The following ROBO2 variants were observed in gnomAD, a reference collection of about 807,000 sequenced individuals.
ROBO2 encodes the protein roundabout guidance receptor 2.
In ROBO2, 53 loss-of-function variants were observed where a neutral mutation model predicts 160.8. That is an observed-to-expected ratio of 0.33 (90% CI 0.26 to 0.41). The LOEUF (loss-of-function observed/expected upper bound fraction) is 0.41. Among genes scored for constraint, ROBO2 ranks in the 10% least tolerant of loss-of-function variants. The pLI, the probability that ROBO2 is intolerant of heterozygous loss-of-function variation, is 1.00. For synonymous variants in ROBO2, 664 were observed against 611.7 expected, an observed-to-expected ratio of 1.09 and a Z score of -1.26; for missense variants, 1,577 against 1,722.4, an observed-to-expected ratio of 0.92 and a Z score of 1.49.
chr3:77,108,276 A>G (rs1363307859), intron 2 of ROBO2, among the ~76,000 whole-genome samples: 2 of 60,412 alleles, frequency 3.3e-5, no homozygotes, highest in Admixed American at 1.5e-4. Context: ...ACATATGCAT[A>G]TATATATATG....
chr3:77,089,439 T>C (rs1320128214), intron 1 of ROBO2, among the ~76,000 whole-genome samples: 1 of 152,210 alleles, frequency 6.6e-6, no homozygotes, highest in Non-Finnish European at 1.5e-5. Flanking sequence ...CAAGGCTGCC[T>C]GTTGAGTTTG....
chr3:76,079,081 A>T (rs778851445), intron 2 of ROBO2, among the ~76,000 whole-genome samples: 6 of 152,328 alleles, frequency 3.9e-5, no homozygotes, highest in Non-Finnish European at 7.3e-5. Context: ...GTTTTCACTC[A>T]TATGTGGGAG....
At chr3:76,388,432 C>T (rs575969208) in intron 2 of ROBO2, among the ~76,000 whole-genome samples, 138 of 152,052 alleles carry the variant, frequency 9.1e-4, no homozygotes, top group African/African-American at 3.3e-3. Context: ...CCGCCACGCC[C>T]GGCTAATTTT....
intron 2 of ROBO2, among the ~76,000 whole-genome samples, chr3:77,015,400 T>C (rs534990558): frequency 6.6e-6 from 1 of 152,310 alleles, no homozygotes; most frequent in Non-Finnish European, 1.5e-5. Flanking sequence ...TTTCCTTGCC[T>C]TTGATATTTT....
intron 2 of ROBO2, among the ~76,000 whole-genome samples, chr3:76,671,194 A>C (rs936567827): frequency 2.0e-5 from 3 of 152,006 alleles, no homozygotes; most frequent in African/African-American, 7.3e-5. Context: ...TACATATATT[A>C]CTCTATTACA....
chr3:76,251,585 A>C (rs991269508), intron 2 of ROBO2, among the ~76,000 whole-genome samples: 6 of 152,118 alleles, frequency 3.9e-5, no homozygotes, highest in South Asian at 2.1e-4. Context: ...TTCCAAAACA[A>C]AACTTATTTT....
At chr3:77,386,603 A>ATTTTTTTTTTTTTTTTTTTTTT (rs71104679) in intron 2 of ROBO2, among the ~76,000 whole-genome samples, 1,370 of 91,732 alleles carry the variant, frequency 0.015, 218 homozygotes, top group East Asian at 0.02. Context: ...CAGCCAGGTA[A>ATTTTTTTTTTTTTTTTTTTTTT]TTTTTTTTTT....
At chr3:77,254,992 C>T (rs563544825) in intron 2 of ROBO2, among the ~76,000 whole-genome samples, 111 of 152,194 alleles carry the variant, frequency 7.3e-4, no homozygotes, top group African/African-American at 2.4e-3. Flanking sequence ...AAACGTATTC[C>T]GAAATGTAAA....
intron 2 of ROBO2, among the ~76,000 whole-genome samples, chr3:76,695,516 T>C (rs564861977): frequency 6.6e-6 from 1 of 152,350 alleles, no homozygotes; most frequent in Admixed American, 6.5e-5. Context: ...AAGGCTACTG[T>C]AAATATAACA....
chr3:76,835,374 CAAT>C (rs1162169187), intron 2 of ROBO2, among the ~76,000 whole-genome samples: 1 of 147,432 alleles, frequency 6.8e-6, no homozygotes, highest in East Asian at 2.0e-4. Context: ...TGTGCAAACA[CAAT>C]AATACATTAT....
intron 2 of ROBO2, among the ~76,000 whole-genome samples, chr3:76,948,908 ATTTTTTTT>A (rs1157110855): frequency 1.8e-3 from 46 of 24,944 alleles, no homozygotes; most frequent in African/African-American, 7.9e-3. Flanking sequence ...ATATATATAT[ATTTTTTTT>A]TTTTTTTTTT....
intron 2 of ROBO2, among the ~76,000 whole-genome samples, chr3:76,291,064 T>C (rs1041126780): frequency 6.6e-6 from 1 of 152,126 alleles, no homozygotes; most frequent in Non-Finnish European, 1.5e-5. Context: ...ACTGCATGAG[T>C]TAGGGAAGAG....
intron 2 of ROBO2, among the ~76,000 whole-genome samples, chr3:77,184,105 TAATG>T (rs1451931314): frequency 2.0e-5 from 3 of 152,090 alleles, no homozygotes; most frequent in African/African-American, 7.2e-5. Context: ...AAGATGGTTT[TAATG>T]AATGAAGGCT....
chr3:76,217,618 A>G (rs1703643710), intron 2 of ROBO2, among the ~76,000 whole-genome samples: 1 of 152,238 alleles, frequency 6.6e-6, no homozygotes, highest in South Asian at 2.1e-4. Context: ...ACCAGGAAGA[A>G]GTTGAATCTC....
chr3:75,999,289 T>C (rs942986877), intron 2 of ROBO2, among the ~76,000 whole-genome samples: 2 of 152,192 alleles, frequency 1.3e-5, no homozygotes, highest in Admixed American at 1.3e-4. Flanking sequence ...AATTGTTACA[T>C]TTTTTATGAC....
chr3:76,936,310 G>A (rs12630647), intron 2 of ROBO2, among the ~76,000 whole-genome samples: 37,570 of 151,864 alleles, frequency 0.25, 5,116 homozygotes, highest in African/African-American at 0.35. Context: ...TATCAAAAAA[G>A]GTAATTCTTC....
At chr3:77,121,189 C>T (rs1370109876) in intron 2 of ROBO2, among the ~76,000 whole-genome samples, 1 of 152,080 alleles carries the variant, frequency 6.6e-6, no homozygotes, top group African/African-American at 2.4e-5. Context: ...AGGTGATCCA[C>T]CTGCTTCGGC....
At chr3:76,741,313 A>G (rs1390938148) in intron 2 of ROBO2, among the ~76,000 whole-genome samples, 1 of 152,134 alleles carries the variant, frequency 6.6e-6, no homozygotes, top group Non-Finnish European at 1.5e-5. Flanking sequence ...TAACTAATTA[A>G]CAATAAATGA....
Position 77,082,704 on chromosome 3 carries a change from C to CTATA in ROBO2, c.62-15297_62-15294dup, listed in dbSNP as rs35367984. Among the ~76,000 whole-genome samples the CTATA allele has an allele frequency of 2.2e-3, 323 of 148,348 alleles. 1 individual carries two copies. The highest frequency in any genetic ancestry group is 6.8e-3 in the African/African-American group (275 of 40,706). ...GATTCAAATGCTACATAGTAACATT[C>CTATA]TATATATATATATATACACACACAA... On this transcript the variant is annotated intron_variant, in intron 1 of 25. Transcript: ENST00000461745.
Sources: gnomAD v4.1 joint callset for allele counts (sites outside exome capture counted in the v4.1 genomes callset) on GRCh38, gnomAD v4.1.1 for gene constraint, MANE v1.5 for transcripts, NCBI Gene and HGNC (gene_info 2026-07-23, HGNC 2026-07-21) for gene names.